Variants in RTN4 observed in about 807,000 individuals in gnomAD.
RTN4 encodes the protein reticulon-4.
RTN4 carries 32 observed loss-of-function variants against 90.4 expected under a neutral mutation model. That is an observed-to-expected ratio of 0.35 (90% CI 0.27 to 0.48). The LOEUF is 0.48. Ranked by LOEUF, RTN4 falls within the 20% of genes least tolerant of loss-of-function variation. RTN4 has a pLI of 0.99. For missense variants in RTN4, 1,706 were observed against 1,430.2 expected, an observed-to-expected ratio of 1.19 and a Z score of -3.11; for synonymous variants, 629 against 552.5, an observed-to-expected ratio of 1.14 and a Z score of -1.94.
At chr2:55,042,412 T>A (rs144597026) in intron 1 of RTN4, among the ~76,000 whole-genome samples, 1 of 152,156 alleles carries the variant, frequency 6.6e-6, no homozygotes, top group Non-Finnish European at 1.5e-5. Flanking sequence ...AGGGACTGAT[T>A]AAATAAAATA....
chr2:55,029,080 G>A (rs555699225), intron 1 of RTN4, among the ~76,000 whole-genome samples: 1 of 152,298 alleles, frequency 6.6e-6, no homozygotes, highest in South Asian at 2.1e-4. Flanking sequence ...GGGCCAAGGG[G>A]ATTAATGCCC....
intron 1 of RTN4, among the ~76,000 whole-genome samples, chr2:55,102,324 G>C (rs1320341741): frequency 6.6e-6 from 1 of 152,086 alleles, no homozygotes. Flanking sequence ...AACCTTTTCT[G>C]TGAAGGGCCA....
chr2:55,059,313 T>TGC (rs1668248048), intron 2 of RTN4, among the ~76,000 whole-genome samples: 1 of 83,560 alleles, frequency 1.2e-5, no homozygotes, highest in Non-Finnish European at 3.2e-5. Context: ...CTTAATTGTT[T>TGC]TTTTTTTTTA....
intron 1 of RTN4, among the ~76,000 whole-genome samples, chr2:55,099,552 A>G (rs1427691879): frequency 2.0e-5 from 3 of 152,066 alleles, no homozygotes; most frequent in African/African-American, 7.3e-5. Context: ...GACATGGGAA[A>G]TGGTATTTCA....
the RTN4 span, among the ~76,000 whole-genome samples, chr2:55,120,076 A>G: frequency 6.6e-6 from 1 of 152,214 alleles, no homozygotes; most frequent in Non-Finnish European, 1.5e-5. Context: ...GGCCCACGGC[A>G]CTGAGAGGTG....
chr2:54,994,123 T>C (rs1476603801), intron 3 of RTN4, among the ~76,000 whole-genome samples: 1 of 152,248 alleles, frequency 6.6e-6, no homozygotes, highest in African/African-American at 2.4e-5. Flanking sequence ...TATAGAACTT[T>C]ATTAAAATCC....
chr2:55,080,631 G>T (rs181875654), exon 2 of RTN4: 1 of 152,112 alleles, frequency 6.6e-6, no homozygotes, highest in Admixed American at 6.5e-5. Context: ...TATTTTCGAT[G>T]ACAACTCTCT....
intron 1 of RTN4, among the ~76,000 whole-genome samples, chr2:55,047,395 C>G (rs1012603): frequency 2.3e-4 from 35 of 151,360 alleles, no homozygotes; most frequent in Non-Finnish European, 1.5e-4. Context: ...CAGTTTCCCT[C>G]AAGTATGTCT....
chr2:55,085,328 CAT>C (rs1444389744), intron 1 of RTN4, among the ~76,000 whole-genome samples: 2 of 138,514 alleles, frequency 1.4e-5, no homozygotes, highest in Non-Finnish European at 3.3e-5. Flanking sequence ...CACACACACA[CAT>C]AGAAGGAGAG....
At chr2:55,023,527 A>T (rs1218379379) in intron 3 of RTN4, among the ~76,000 whole-genome samples, 1 of 152,014 alleles carries the variant, frequency 6.6e-6, no homozygotes, top group Non-Finnish European at 1.5e-5. Context: ...TCAAAGCTCT[A>T]TCGTTCCTTC....
chr2:55,027,447 A>G lies in RTN4; in HGVS notation c.652T>C (p.Ser218Pro). 4 of 1,612,614 alleles carry G rather than the reference A, an allele frequency of 2.5e-6. No homozygotes were observed. The highest frequency in any genetic ancestry group is 3.4e-6 in the Non-Finnish European group (4 of 1,179,254). Reference sequence around the variant, plus strand: ...GATGGGAAATCCTCTTGACCAGCCGAAATAGTGTTACCTGGCTGCTCCTTC... The same window carrying G: ...GATGGGAAATCCTCTTGACCAGCCGGAATAGTGTTACCTGGCTGCTCCTTC... Reference protein sequence around the residue: ...DLKEQPGNTISAGQEDFPSVL... With the variant: ...DLKEQPGNTIPAGQEDFPSVL... The change falls in exon 3 of 9, where the codon TCG becomes CCG. Residue 218 changes from serine to proline, a missense_variant. Ser to Pro is a moderately conservative substitution (Grantham distance 74). Coordinates refer to ENST00000337526, the MANE Select transcript of RTN4 (RefSeq NM_020532.5).
At chr2:55,053,694 A>G (rs1412658906), upstream of RTN4, among the ~76,000 whole-genome samples, 4 of 111,734 alleles carry the variant, frequency 3.6e-5, no homozygotes, top group Non-Finnish European at 7.9e-5. Flanking sequence ...CTCAAAAAAA[A>G]ACAAAAAAAA....
chr2:55,070,525 G>A (rs1668488147), intron 2 of RTN4, among the ~76,000 whole-genome samples: 1 of 123,634 alleles, frequency 8.1e-6, no homozygotes, highest in East Asian at 2.4e-4. Context: ...CAGCCTGGGT[G>A]ACTGAGCAAG....
At chr2:54,993,557 G>C (rs981186352) in intron 3 of RTN4, among the ~76,000 whole-genome samples, 1 of 152,092 alleles carries the variant, frequency 6.6e-6, no homozygotes, top group African/African-American at 2.4e-5. Context: ...CTTTCCTCTT[G>C]TCATATGGTT....
Position 55,027,355 on chromosome 2 carries a change from T to A in RTN4, c.744A>T (p.Glu248Asp), listed in dbSNP as rs759174085. 1.9e-5 allele frequency: 31 copies of A among 1,613,586 alleles called. No homozygotes were observed. In the South Asian group the frequency reaches 3.4e-4, roughly 18 times the overall value. The change falls in exon 3 of 9, where the codon GAA (glutamate) becomes GAT (aspartate). Residue 248 changes from glutamate to aspartate, a missense_variant. By Grantham distance (45) the Glu-to-Asp change is conservative. Coordinates refer to ENST00000337526, the MANE Select transcript of RTN4 (RefSeq NM_020532.5). ...LSPLSAASFK[E>D]HEYLGNLSTV... ...TTGACAAATTACCAAGGTATTCATG[T>A]TCTTTGAAAGAAGCGGCTGAGAGAG...
chr2:55,003,961 G>A (rs1680027969), intron 3 of RTN4, among the ~76,000 whole-genome samples: 1 of 152,150 alleles, frequency 6.6e-6, no homozygotes, highest in Non-Finnish European at 1.5e-5. Context: ...TACTGAGATG[G>A]CTGTACATAA....
At chr2:55,117,684 G>C in the RTN4 span, among the ~76,000 whole-genome samples, 1 of 152,274 alleles carries the variant, frequency 6.6e-6, no homozygotes, top group South Asian at 2.1e-4. Flanking sequence ...CAGACACAAA[G>C]AAGTATGCAC....
rs368103339 is a variant in RTN4, at chr2:54,973,066, G to A, written c.*90C>T. 3.5e-5 allele frequency: 37 copies of A among 1,068,710 alleles called. No individual in the cohort carries two copies. The highest frequency in any genetic ancestry group is 9.4e-5 in the African/African-American group (6 of 63,876). The allele number at this position is 1,068,710 out of a possible 1,614,324, so 66.2% of individuals were successfully genotyped here. On this transcript the variant is annotated 3_prime_UTR_variant, in exon 9 of 9. Transcript: ENST00000337526. ...ACGATCTGTGAAACTGCACTGCAAC[G>A]TCAAGGTTCGTTCTTCCCTGACCCT...
At chr2:55,046,940 G>C (rs1434836299) in intron 1 of RTN4, 2 of 152,220 alleles carry the variant, frequency 1.3e-5, no homozygotes, top group Non-Finnish European at 2.9e-5. Flanking sequence ...TTCCAAGAGA[G>C]TGCTGTCACC....
Sources: allele counts gnomAD v4.1 joint callset (sites outside exome capture counted in the v4.1 genomes callset), GRCh38; gene constraint gnomAD v4.1.1; transcripts MANE v1.5; gene names NCBI Gene and HGNC (gene_info 2026-07-23, HGNC 2026-07-21).